The following PCSK5 variants were observed in gnomAD, a reference collection of about 807,000 sequenced individuals.
PCSK5 encodes prohormone convertase 5.
A neutral mutation model predicts 233.2 loss-of-function variants in PCSK5; 129 were observed. That is an observed-to-expected ratio of 0.55 (90% CI 0.48 to 0.64). PCSK5 has a LOEUF of 0.64. PCSK5 is among the 30% of genes least tolerant of loss of function. The pLI, the probability that PCSK5 is intolerant of heterozygous loss-of-function variation, is 0.00. For missense variants in PCSK5, 2,076 were observed against 2,430.1 expected (o/e 0.85, Z 3.06); for synonymous variants, 825 against 879.2 (o/e 0.94, Z 1.09).
At chr9:76,068,186 T>C (rs964843375) in intron 6 of PCSK5, 143 bp downstream of exon 6, 3 of 592,948 alleles carry the variant, frequency 5.1e-6, no homozygotes, top group South Asian at 4.2e-5. Flanking sequence ...GGCCCCAACA[T>C]GACCATGTTA....
In PCSK5 at chr9:76,332,623, T is replaced by C. The variant is rs764055795; in HGVS notation, c.4748+13T>C. ...AGTGCAGGGAAGGGTAAGTGCTCAA[T>C]ACATTTTCCCCCATGTAATTTCACA... On this transcript the variant is annotated intron_variant, in intron 34 of 37. Transcript: ENST00000674117. The C allele has an allele frequency of 6.5e-7, 1 of 1,543,156 alleles. No homozygotes were observed. Among genetic ancestry groups the C allele is most frequent in the South Asian group, 1.2e-5 (1 of 84,340 alleles).
intron 24 of PCSK5, among the ~76,000 whole-genome samples, chr9:76,285,937 TA>T (rs2131396296): frequency 6.6e-6 from 1 of 152,248 alleles, no homozygotes; most frequent in Admixed American, 6.5e-5. Context: ...TCTTTGGTAA[TA>T]AATGAGAAAA....
At chr9:76,267,115 C>A (rs1050309997) in intron 24 of PCSK5, among the ~76,000 whole-genome samples, 1 of 152,198 alleles carries the variant, frequency 6.6e-6, no homozygotes, top group Non-Finnish European at 1.5e-5. Context: ...GAATCAGAAC[C>A]TGCAGTGTCT....
intron 1 of PCSK5, among the ~76,000 whole-genome samples, chr9:75,897,462 T>C (rs1199444154): frequency 2.7e-5 from 4 of 150,176 alleles, no homozygotes; most frequent in African/African-American, 2.5e-5. Flanking sequence ...ATATACTCTA[T>C]GGAGGTTGCA....
chr9:75,924,383 G>A (rs968835309), intron 1 of PCSK5, among the ~76,000 whole-genome samples: 3 of 152,114 alleles, frequency 2.0e-5, no homozygotes, highest in Non-Finnish European at 4.4e-5. Context: ...TTTTGTCATT[G>A]TGTGGCATTC....
chr9:76,217,295 A>G (rs1011370155), intron 20 of PCSK5, among the ~76,000 whole-genome samples: 1 of 152,216 alleles, frequency 6.6e-6, no homozygotes, highest in Non-Finnish European at 1.5e-5. Context: ...GACAATAAGA[A>G]GTGAGTTGAG....
At chr9:76,038,529 G>GA (rs1032146484) in intron 5 of PCSK5, among the ~76,000 whole-genome samples, 2 of 152,148 alleles carry the variant, frequency 1.3e-5, no homozygotes, top group African/African-American at 4.8e-5. Flanking sequence ...AAAGGAGTGG[G>GA]AAATAGGTGT....
intron 7 of PCSK5, among the ~76,000 whole-genome samples, chr9:76,092,150 C>G (rs1408703067): frequency 6.6e-6 from 1 of 152,144 alleles, no homozygotes; most frequent in East Asian, 1.9e-4. Flanking sequence ...CGTCCTACCT[C>G]TTAAGGGCAA....
chr9:76,338,563 C>A, intron 35 of PCSK5, 116 bp downstream of exon 35: 1 of 683,294 alleles, frequency 1.5e-6, no homozygotes, highest in Non-Finnish European at 2.5e-6. Context: ...TTCCCTACCT[C>A]GTGTGTGATC....
chr9:76,260,158 C>A (rs1161134021), intron 24 of PCSK5, among the ~76,000 whole-genome samples: 1 of 152,184 alleles, frequency 6.6e-6, no homozygotes, highest in Non-Finnish European at 1.5e-5. Context: ...TTTGGGGAAA[C>A]TCACTTAAGC....
Position 76,332,426 on chromosome 9 carries a change from AT to A in PCSK5, c.4571-6del. On this transcript the variant is annotated splice_region_variant and splice_polypyrimidine_tract_variant and intron_variant, in intron 33 of 37. Transcript: ENST00000674117. The stretch of plus-strand genomic sequence containing the variant: ...TGTCCAAATAGACATTTTTTCTCCC[AT>A]GACAGACACAACCTGTGTGAAGGAC... 1 of 1,607,718 alleles carries A rather than the reference AT, an allele frequency of 6.2e-7. No individual in the cohort carries two copies.
intron 11 of PCSK5, 124 bp downstream of exon 11, chr9:76,157,286 A>G (rs1469140668): frequency 3.0e-6 from 2 of 670,666 alleles, no homozygotes; most frequent in Non-Finnish European, 5.3e-6. Context: ...CTCTAATGTG[A>G]CTATGAAATG....
Position 76,107,298 on chromosome 9 carries a change from G to T in PCSK5, c.1155G>T (p.Thr385=). Residue 385 remains threonine (T), a synonymous_variant, in exon 9 of 38, where the codon ACG becomes ACT. Transcript: ENST00000674117. ...GTTGCACGGACAACCACACTGGGACGTCAGCCTCAGCCCCCATGGCTGCAG... is the reference window on the plus strand; with the variant it reads ...GTTGCACGGACAACCACACTGGGACTTCAGCCTCAGCCCCCATGGCTGCAG... The part of the protein sequence containing the change: ...RQRCTDNHTG[T]SASAPMAAGI... 1 of 1,613,870 alleles carries T rather than the reference G, an allele frequency of 6.2e-7. No individual in the cohort carries two copies. Among genetic ancestry groups the T allele is most frequent in the Non-Finnish European group, 8.5e-7 (1 of 1,179,916 alleles).
At position 76,321,798 on chromosome 9, in the gene PCSK5, A is replaced by T. The variant is rs546508198; in HGVS notation, c.4102+159A>T. ...TGTCATCAGAGAAACTGAGGGTGAG[A>T]TACACCCTTTTCATTATGGATGCTG... On this transcript the variant is annotated intron_variant, in intron 31 of 37. Transcript: ENST00000674117. Among the ~76,000 whole-genome samples the T allele has an allele frequency of 4.9e-5, 7 of 143,726 alleles. No individual in the cohort carries two copies. The East Asian group carries it at 9.7e-4, about 20-fold the overall frequency. 94.3% of individuals were successfully genotyped at this position (143,726 alleles called of 152,430 possible). A position where few individuals can be genotyped will look rare whatever the true frequency, so the allele number is the denominator to read the frequency against.
At chr9:76,150,235 T>C (rs1823613628) in intron 10 of PCSK5, among the ~76,000 whole-genome samples, 1 of 152,180 alleles carries the variant, frequency 6.6e-6, no homozygotes. Flanking sequence ...CTGGAAACTT[T>C]CCATGTGCAA....
At chr9:76,064,247 T>A in intron 5 of PCSK5, among the ~76,000 whole-genome samples, 1 of 89,542 alleles carries the variant, frequency 1.1e-5, no homozygotes, top group South Asian at 4.5e-4. Context: ...CCCCCCCATC[T>A]CCCTCCTGGA....
chr9:76,171,173 C>T (rs963104723), intron 13 of PCSK5, among the ~76,000 whole-genome samples: 26 of 152,124 alleles, frequency 1.7e-4, no homozygotes, highest in African/African-American at 5.8e-4. Flanking sequence ...GTTTCTAGAC[C>T]CTTTCACCTC....
intron 5 of PCSK5, among the ~76,000 whole-genome samples, chr9:76,043,515 A>G (rs1428454482): frequency 6.6e-6 from 1 of 152,036 alleles, no homozygotes; most frequent in South Asian, 2.1e-4. Flanking sequence ...AAAGGAAATT[A>G]TGAATTAACC....
intron 10 of PCSK5, among the ~76,000 whole-genome samples, chr9:76,148,230 CAA>C (rs1385853297): frequency 6.6e-6 from 1 of 151,376 alleles, no homozygotes; most frequent in Non-Finnish European, 1.5e-5. Context: ...TTTAATGATG[CAA>C]AGATACAGCC....
Sources: gnomAD v4.1 joint callset for allele counts (sites outside exome capture counted in the v4.1 genomes callset) on GRCh38, gnomAD v4.1.1 for gene constraint, MANE v1.5 for transcripts, NCBI Gene and HGNC (gene_info 2026-07-23, HGNC 2026-07-21) for gene names.